The following EPB41L4B variants were observed in gnomAD, a reference collection of about 807,000 sequenced individuals.
EPB41L4B encodes the protein erythrocyte membrane protein band 4.1 like 4B.
In EPB41L4B, 30 loss-of-function variants were observed where a neutral mutation model predicts 112.5. The ratio of observed to expected loss-of-function variants is 0.27; its 90% CI spans 0.20 to 0.36. EPB41L4B has a LOEUF of 0.36. EPB41L4B is among the 10% of genes least tolerant of loss of function. The probability of loss-of-function intolerance (pLI) is 1.00; values close to 1 mark genes in which losing one functional copy is unlikely to be tolerated. For missense variants in EPB41L4B, 1,024 were observed against 1,133.3 expected, an observed-to-expected ratio of 0.90 and a Z score of 1.38; for synonymous variants, 408 against 439.7, an observed-to-expected ratio of 0.93 and a Z score of 0.90.
At chr9:109,273,526 C>T (rs931384783) in intron 2 of EPB41L4B, among the ~76,000 whole-genome samples, 4 of 152,104 alleles carry the variant, frequency 2.6e-5, no homozygotes, top group Non-Finnish European at 2.9e-5. Flanking sequence ...GGATTACAGA[C>T]GTGAGCCACC....
chr9:109,312,087 C>T (rs1837434211), intron 1 of EPB41L4B, among the ~76,000 whole-genome samples: 1 of 152,108 alleles, frequency 6.6e-6, no homozygotes, highest in Admixed American at 6.5e-5. Flanking sequence ...TTCTAGAATA[C>T]ACACAAAAGA....
At chr9:109,265,214 C>T (rs780700595) in intron 4 of EPB41L4B, among the ~76,000 whole-genome samples, 190 bp from the exon 5 acceptor site, 11 of 152,202 alleles carry the variant, frequency 7.2e-5, no homozygotes, top group Admixed American at 1.3e-4. Flanking sequence ...CCCAGAACCA[C>T]GCTAGGAAGG....
At chr9:109,273,838 CTT>C (rs1199524905) in intron 2 of EPB41L4B, among the ~76,000 whole-genome samples, 4 of 152,194 alleles carry the variant, frequency 2.6e-5, no homozygotes, top group Non-Finnish European at 5.9e-5. Context: ...AGATCCCACT[CTT>C]AGCATTTATA....
At chr9:109,294,658 T>A (rs962960478) in intron 1 of EPB41L4B, among the ~76,000 whole-genome samples, 1 of 139,976 alleles carries the variant, frequency 7.1e-6, no homozygotes, top group Non-Finnish European at 1.5e-5. Flanking sequence ...TTGTGGAGTA[T>A]AATGATATTG....
In EPB41L4B at chr9:109,173,361, T is replaced by C. The variant is rs1831696204; in HGVS notation, c.*1193A>G. The C allele has an allele frequency of 6.6e-6, 1 of 152,370 alleles. No homozygotes were observed. Among genetic ancestry groups the C allele is most frequent in the African/African-American group, 2.4e-5 (1 of 41,386 alleles). The allele number at this position is 152,370 out of a possible 1,614,324, so 9.4% of individuals were successfully genotyped here. On this transcript the variant is annotated 3_prime_UTR_variant, in exon 26 of 26. Coordinates refer to ENST00000374566, the MANE Select transcript of EPB41L4B (RefSeq NM_019114.5). ...AAATACTTCATGCTCTTTGACCTTG[T>C]AATCCCTCTTTGGAGATATTCCTAA...
chr9:109,308,790 T>C (rs904756929), intron 1 of EPB41L4B, among the ~76,000 whole-genome samples: 1 of 152,208 alleles, frequency 6.6e-6, no homozygotes, highest in African/African-American at 2.4e-5. Flanking sequence ...TGAAATTAAA[T>C]GTTTAGGCCA....
intron 15 of EPB41L4B, among the ~76,000 whole-genome samples, chr9:109,218,127 T>TC (rs1491267109): frequency 8.8e-5 from 1 of 11,350 alleles, no homozygotes; most frequent in Non-Finnish European, 1.4e-4. Flanking sequence ...CTAATAATTC[T>TC]TTTTTTTTTT....
chr9:109,197,478 G>A (rs114829227), intron 20 of EPB41L4B, among the ~76,000 whole-genome samples: 10 of 151,992 alleles, frequency 6.6e-5, no homozygotes, highest in South Asian at 4.2e-4. Context: ...GGTAGCCAGC[G>A]TCAAGGATTC....
intron 1 of EPB41L4B, among the ~76,000 whole-genome samples, chr9:109,283,019 G>A (rs1836130173): frequency 6.6e-6 from 1 of 152,026 alleles, no homozygotes; most frequent in Non-Finnish European, 1.5e-5. Flanking sequence ...GCAGAATATA[G>A]GGAAGAGAAG....
chr9:109,240,316 G>A (rs1834309998), intron 15 of EPB41L4B: 1 of 985,306 alleles, frequency 1.0e-6, no homozygotes, highest in Non-Finnish European at 1.2e-6. Context: ...GCCTTAGGGA[G>A]AGTTTATAGG....
At chr9:109,291,103 C>T (rs1174986843) in intron 1 of EPB41L4B, among the ~76,000 whole-genome samples, 2 of 152,084 alleles carry the variant, frequency 1.3e-5, no homozygotes, top group Admixed American at 6.5e-5. Flanking sequence ...GACCCCATTT[C>T]GCAGATGAGA....
chr9:109,273,533 C>T (rs1242950934), intron 2 of EPB41L4B, among the ~76,000 whole-genome samples: 1 of 152,130 alleles, frequency 6.6e-6, no homozygotes, highest in Admixed American at 6.5e-5. Context: ...AGACGTGAGC[C>T]ACCACACCAC....
intron 19 of EPB41L4B, among the ~76,000 whole-genome samples, chr9:109,201,634 G>A (rs761213131): frequency 3.9e-5 from 6 of 152,098 alleles, no homozygotes; most frequent in Non-Finnish European, 7.4e-5. Context: ...TGGGTGGAAC[G>A]GTCAGCATCG....
At chr9:109,176,815 G>A (rs1235594273) in intron 24 of EPB41L4B, 119 bp from the exon 25 acceptor site, 2 of 1,156,338 alleles carry the variant, frequency 1.7e-6, no homozygotes, top group Non-Finnish European at 1.2e-6. Context: ...AGCTAAAATC[G>A]ATTGTCATTT....
intron 17 of EPB41L4B, among the ~76,000 whole-genome samples, chr9:109,211,158 G>A (rs996614608): frequency 6.6e-6 from 1 of 152,102 alleles, no homozygotes; most frequent in African/African-American, 2.4e-5. Context: ...AGAATCAGAG[G>A]ATTCTTGATC....
At chr9:109,298,907 C>T (rs1836846818) in intron 1 of EPB41L4B, among the ~76,000 whole-genome samples, 1 of 152,170 alleles carries the variant, frequency 6.6e-6, no homozygotes, top group Non-Finnish European at 1.5e-5. Context: ...CCAAAGGTAC[C>T]CCTGCAAGAG....
At chr9:109,178,643 T>C (rs1831935011) in intron 24 of EPB41L4B, among the ~76,000 whole-genome samples, 1 of 152,088 alleles carries the variant, frequency 6.6e-6, no homozygotes, top group Non-Finnish European at 1.5e-5. Context: ...GGTTTCACCA[T>C]GTTGGCCAGG....
chr9:109,302,084 G>C (rs1200610391), intron 1 of EPB41L4B, among the ~76,000 whole-genome samples: 3 of 152,190 alleles, frequency 2.0e-5, no homozygotes, highest in African/African-American at 7.2e-5. Context: ...CCCCAGAGAA[G>C]CAAGGTAGAC....
intron 1 of EPB41L4B, among the ~76,000 whole-genome samples, chr9:109,305,197 C>G (rs1381907136): frequency 9.4e-6 from 1 of 106,224 alleles, no homozygotes; most frequent in African/African-American, 3.7e-5. Flanking sequence ...GTGGAAGAAG[C>G]GCGGGAAGGT....
Sources: gnomAD v4.1 joint callset for allele counts (sites outside exome capture counted in the v4.1 genomes callset) on GRCh38, gnomAD v4.1.1 for gene constraint, MANE v1.5 for transcripts, NCBI Gene and HGNC (gene_info 2026-07-23, HGNC 2026-07-21) for gene names.